The following AGBL4 variants were observed in gnomAD, a reference collection of about 807,000 sequenced individuals.
AGBL4 encodes the protein cytosolic carboxypeptidase 6.
Under a neutral mutation model 66.4 loss-of-function variants are expected in AGBL4, and 58 were observed. The observed-to-expected ratio is 0.87, with a 90% CI of 0.71 to 1.09. AGBL4 has a LOEUF of 1.09. AGBL4 is among the 50% of genes least tolerant of loss of function. The pLI is 0.00. For synonymous variants in AGBL4, 234 were observed against 222.9 expected, an observed-to-expected ratio of 1.05 and a Z score of -0.44; for missense variants, 579 against 631.0, an observed-to-expected ratio of 0.92 and a Z score of 0.88.
At chr1:49,249,200 G>A (rs899776644) in intron 3 of AGBL4, among the ~76,000 whole-genome samples, 4 of 152,098 alleles carry the variant, frequency 2.6e-5, no homozygotes, top group Admixed American at 6.5e-5. Context: ...TATTGTTCAC[G>A]TTAGTTGCAG....
At chr1:49,945,873 C>T (rs1466295790) in intron 1 of AGBL4, among the ~76,000 whole-genome samples, 1 of 151,878 alleles carries the variant, frequency 6.6e-6, no homozygotes, top group Non-Finnish European at 1.5e-5. Flanking sequence ...AAAAGACATT[C>T]CAAGCAAATG....
intron 3 of AGBL4, among the ~76,000 whole-genome samples, chr1:49,687,509 T>C (rs1177033685): frequency 2.0e-5 from 3 of 152,114 alleles, no homozygotes; most frequent in Non-Finnish European, 2.9e-5. Context: ...CAACGGTTCA[T>C]GTCCGCAATC....
At chr1:48,859,016 T>C (rs909713996) in intron 6 of AGBL4, among the ~76,000 whole-genome samples, 2 of 151,792 alleles carry the variant, frequency 1.3e-5, no homozygotes, top group African/African-American at 4.8e-5. Flanking sequence ...GAATTTATGG[T>C]CATATGACCA....
intron 5 of AGBL4, among the ~76,000 whole-genome samples, chr1:48,952,204 C>G (rs1257776132): frequency 6.6e-6 from 1 of 152,206 alleles, no homozygotes; most frequent in Non-Finnish European, 1.5e-5. Flanking sequence ...CATTTATTTG[C>G]TCATTTTATT....
intron 3 of AGBL4, among the ~76,000 whole-genome samples, chr1:49,560,235 G>GA (rs1215776336): frequency 4.0e-5 from 6 of 151,892 alleles, no homozygotes; most frequent in African/African-American, 1.2e-4. Flanking sequence ...ATAACACGGA[G>GA]AAAAAAATCA....
At chr1:50,000,635 A>T (rs1465660391) in intron 1 of AGBL4, among the ~76,000 whole-genome samples, 1 of 152,214 alleles carries the variant, frequency 6.6e-6, no homozygotes, top group African/African-American at 2.4e-5. Flanking sequence ...CGTTTATAGC[A>T]ACACAATTCA....
chr1:49,856,063 A>G (rs1360907302), intron 1 of AGBL4, among the ~76,000 whole-genome samples: 3 of 152,010 alleles, frequency 2.0e-5, no homozygotes, highest in African/African-American at 7.2e-5. Context: ...AGACATTACA[A>G]CTGATACCAT....
At chr1:49,661,745 G>A (rs777880175) in intron 3 of AGBL4, among the ~76,000 whole-genome samples, 21 of 152,084 alleles carry the variant, frequency 1.4e-4, no homozygotes, top group Non-Finnish European at 2.4e-4. Context: ...AATGTAAAAT[G>A]GTACAACTAC....
intron 4 of AGBL4, among the ~76,000 whole-genome samples, chr1:49,055,326 G>T (rs1351909668): frequency 1.3e-5 from 2 of 151,916 alleles, no homozygotes; most frequent in African/African-American, 4.8e-5. Flanking sequence ...AAATAAGGAA[G>T]TAACTGTATA....
chr1:49,537,409 T>C (rs1307867293), intron 3 of AGBL4, among the ~76,000 whole-genome samples: 1 of 152,048 alleles, frequency 6.6e-6, no homozygotes, highest in Non-Finnish European at 1.5e-5. Flanking sequence ...GGGACTAATA[T>C]CCAGACTTTA....
At chr1:49,162,027 C>A (rs2148142585) in intron 4 of AGBL4, among the ~76,000 whole-genome samples, 1 of 152,264 alleles carries the variant, frequency 6.6e-6, no homozygotes, top group Non-Finnish European at 1.5e-5. Flanking sequence ...ATCTTGAGAA[C>A]TTATTTAATC....
intron 5 of AGBL4, among the ~76,000 whole-genome samples, chr1:49,044,794 A>G (rs1644037035): frequency 6.6e-6 from 1 of 152,194 alleles, no homozygotes; most frequent in South Asian, 2.1e-4. Context: ...GGGAACTACA[A>G]ACTAAGAAAT....
chr1:49,675,934 T>C (rs1483363537), intron 3 of AGBL4, among the ~76,000 whole-genome samples: 1 of 152,100 alleles, frequency 6.6e-6, no homozygotes, highest in Admixed American at 6.6e-5. Flanking sequence ...TAAGGACCCA[T>C]TTCTTGACTG....
chr1:49,953,775 T>C (rs1234699482), intron 1 of AGBL4, among the ~76,000 whole-genome samples: 1 of 151,992 alleles, frequency 6.6e-6, no homozygotes. Context: ...AATCTGTATC[T>C]AAACACCATA....
chr1:49,911,048 C>T (rs1650774300), intron 1 of AGBL4, among the ~76,000 whole-genome samples: 1 of 152,142 alleles, frequency 6.6e-6, no homozygotes. Context: ...TTTTCAATTA[C>T]AGTAAACTTG....
At chr1:49,039,437 G>A (rs749800274) in intron 5 of AGBL4, among the ~76,000 whole-genome samples, 8 of 151,982 alleles carry the variant, frequency 5.3e-5, no homozygotes, top group Non-Finnish European at 8.8e-5. Context: ...CATGTGTAGG[G>A]GAAGGAAGTA....
At chr1:49,564,984 G>C (rs1644155324) in intron 3 of AGBL4, among the ~76,000 whole-genome samples, 1 of 152,070 alleles carries the variant, frequency 6.6e-6, no homozygotes, top group Non-Finnish European at 1.5e-5. Context: ...TATGAATCTG[G>C]GTGCTCCTGT....
Position 49,508,532 on chromosome 1 carries a change from G to T in AGBL4, c.282+188781C>A, listed in dbSNP as rs557268403. Among the ~76,000 whole-genome samples, 173 of 151,902 alleles carry T rather than the reference G, an allele frequency of 1.1e-3. 1 individual carries two copies. Among genetic ancestry groups the T allele is most frequent in the Non-Finnish European group, 1.6e-3 (108 of 67,962 alleles). On this transcript the variant is annotated intron_variant, in intron 3 of 13. Coordinates refer to ENST00000371839, the MANE Select transcript of AGBL4 (RefSeq NM_032785.4). ...GCCCACGCAGAGGACAAAAAGTTCAGAAGAGAAATAAATTTTATTGACCCA... is the reference window on the plus strand; with the variant it reads ...GCCCACGCAGAGGACAAAAAGTTCATAAGAGAAATAAATTTTATTGACCCA...
intron 6 of AGBL4, among the ~76,000 whole-genome samples, chr1:48,780,016 T>C (rs1216227427): frequency 2.0e-5 from 3 of 151,860 alleles, no homozygotes; most frequent in Non-Finnish European, 4.4e-5. Flanking sequence ...GCCCGGCCTT[T>C]ATTATTATTA....
Sources: allele counts gnomAD v4.1 joint callset (sites outside exome capture counted in the v4.1 genomes callset), GRCh38; gene constraint gnomAD v4.1.1; transcripts MANE v1.5; gene names NCBI Gene and HGNC (gene_info 2026-07-23, HGNC 2026-07-21).